Variants in ITFG1 observed in about 807,000 individuals in gnomAD.
ITFG1 encodes the protein integrin alpha FG-GAP repeat containing 1, also known as T-cell immunomodulatory protein.
ITFG1 carries 34 observed loss-of-function variants against 81.8 expected under a neutral mutation model. That is an observed-to-expected ratio of 0.42 (90% CI 0.32 to 0.55). The LOEUF is 0.55. Ranked by LOEUF, ITFG1 falls within the 20% of genes least tolerant of loss-of-function variation. The pLI is 0.17. For missense variants in ITFG1, 672 were observed against 755.4 expected (o/e 0.89, Z 1.29); for synonymous variants, 285 against 270.6 (o/e 1.05, Z -0.52).
At chr16:47,181,418 C>G (rs1197939804) in intron 14 of ITFG1, among the ~76,000 whole-genome samples, 1 of 146,930 alleles carries the variant, frequency 6.8e-6, no homozygotes, top group Non-Finnish European at 1.5e-5. Flanking sequence ...TCAGCCCCCC[C>G]GCCCGGCCAG....
intron 8 of ITFG1, among the ~76,000 whole-genome samples, chr16:47,323,497 T>G (rs1967480792): frequency 6.6e-6 from 1 of 152,178 alleles, no homozygotes; most frequent in South Asian, 2.1e-4. Context: ...ATGTGGCTGC[T>G]TGACTTTGGA....
chr16:47,379,202 C>A (rs1968364232), intron 6 of ITFG1, among the ~76,000 whole-genome samples: 1 of 152,166 alleles, frequency 6.6e-6, no homozygotes, highest in Middle Eastern at 3.2e-3. Flanking sequence ...ATTCAGAGCT[C>A]CCCAGGGGTC....
At chr16:47,266,385 T>G (rs1055902223) in intron 10 of ITFG1, among the ~76,000 whole-genome samples, 1 of 152,138 alleles carries the variant, frequency 6.6e-6, no homozygotes, top group Admixed American at 6.5e-5. Context: ...GCCCGGCTAA[T>G]TTTTGTACTT....
At chr16:47,363,029 C>G (rs1216663531) in intron 8 of ITFG1, among the ~76,000 whole-genome samples, 24 of 152,010 alleles carry the variant, frequency 1.6e-4, no homozygotes, top group Non-Finnish European at 1.5e-5. Flanking sequence ...CCTGAGTAGC[C>G]TGGACCACAG....
At chr16:47,427,560 A>C (rs1471865260) in intron 6 of ITFG1, among the ~76,000 whole-genome samples, 3 of 152,190 alleles carry the variant, frequency 2.0e-5, no homozygotes, top group Non-Finnish European at 2.9e-5. Flanking sequence ...TGGGAGGCGG[A>C]GGTTGCAGTG....
At chr16:47,436,455 T>C (rs1969168088) in intron 5 of ITFG1, among the ~76,000 whole-genome samples, 1 of 152,122 alleles carries the variant, frequency 6.6e-6, no homozygotes, top group African/African-American at 2.4e-5. Context: ...AAGCCAAAGG[T>C]AAAATTTTAT....
At chr16:47,246,422 T>C (rs1316019649) in intron 12 of ITFG1, among the ~76,000 whole-genome samples, 1 of 152,226 alleles carries the variant, frequency 6.6e-6, no homozygotes, top group Non-Finnish European at 1.5e-5. Context: ...GAGTATGCAT[T>C]TCCTTGGTTT....
At chr16:47,319,548 C>T (rs567069118) in intron 8 of ITFG1, among the ~76,000 whole-genome samples, 2 of 152,306 alleles carry the variant, frequency 1.3e-5, no homozygotes, top group South Asian at 4.1e-4. Context: ...GTGTTTTACG[C>T]ATATTTTCCA....
intron 14 of ITFG1, among the ~76,000 whole-genome samples, chr16:47,214,921 A>AACACACACACACACAC (rs57114470): frequency 6.9e-6 from 1 of 145,034 alleles, no homozygotes; most frequent in African/African-American, 2.5e-5. Flanking sequence ...CCAGTGTGAA[A>AACACACACACACACAC]ACACACACAC....
chr16:47,377,891 T>C (rs1471559516), intron 6 of ITFG1, among the ~76,000 whole-genome samples: 1 of 152,230 alleles, frequency 6.6e-6, no homozygotes, highest in Non-Finnish European at 1.5e-5. Context: ...GACAACATGC[T>C]ATATGTATAT....
chr16:47,208,365 CT>C (rs1372778424), intron 14 of ITFG1, among the ~76,000 whole-genome samples: 1 of 152,128 alleles, frequency 6.6e-6, no homozygotes, highest in Non-Finnish European at 1.5e-5. Context: ...TGTATAAGAA[CT>C]TTAAGGTGTT....
rs571201883 is a variant in ITFG1, at chr16:47,343,050, T to C, written c.802+22738A>G. ...ATGAATAATGAAAACAATTCTGAAG[T>C]AGAAGAATACAGTTGGAAGACTCAC... On this transcript the variant is annotated intron_variant, in intron 8 of 17. Transcript: ENST00000320640. 8.5e-4 allele frequency among the ~76,000 whole-genome samples: 129 copies of C among 152,214 alleles called. 1 individual carries two copies. The highest frequency in any genetic ancestry group is 5.2e-3 in the East Asian group (27 of 5,188).
intron 8 of ITFG1, among the ~76,000 whole-genome samples, chr16:47,352,978 A>G (rs901679136): frequency 6.7e-6 from 1 of 150,224 alleles, no homozygotes; most frequent in African/African-American, 2.4e-5. Flanking sequence ...CAAACACCAC[A>G]TGTTCTCACT....
chr16:47,409,331 A>G (rs927191610), intron 6 of ITFG1, among the ~76,000 whole-genome samples: 6 of 137,842 alleles, frequency 4.4e-5, no homozygotes, highest in African/African-American at 1.6e-4. Flanking sequence ...CAACTGGATC[A>G]CAGATTTAAA....
chr16:47,350,292 A>C (rs2151580985), intron 8 of ITFG1, among the ~76,000 whole-genome samples: 1 of 152,322 alleles, frequency 6.6e-6, no homozygotes, highest in East Asian at 1.9e-4. Flanking sequence ...TTTTGAAAAG[A>C]TCAACAAAAT....
Position 47,452,761 on chromosome 16 carries a change from T to C in ITFG1, c.457A>G (p.Thr153Ala), listed in dbSNP as rs749841694. 1.6e-5 allele frequency: 26 copies of C among 1,585,758 alleles called. No homozygotes were observed. The South Asian group carries it at 2.4e-4, about 15-fold the overall frequency. Residue 153 changes from threonine (T) to alanine (A), a missense_variant, in exon 4 of 18, where the codon ACT becomes GCT. By Grantham distance (58) the Thr-to-Ala change is moderately conservative (BLOSUM62 0). This residue lies in a region of ITFG1 where 560 missense variants were observed against 625.7 expected (regional missense o/e 0.90). Coordinates refer to ENST00000320640, the MANE Select transcript of ITFG1 (RefSeq NM_030790.5). ...ATAATTAGTGGCTCATCTTGAAAAGTCCTATTGAGTATGGTCATATTGTTA... is the reference window on the plus strand; with the variant it reads ...ATAATTAGTGGCTCATCTTGAAAAGCCCTATTGAGTATGGTCATATTGTTA... ...DPNNMTILNR[T>A]FQDEPLIMDF... is the part of the protein sequence containing the mutation.
At chr16:47,231,425 G>T (rs557554648) in intron 13 of ITFG1, among the ~76,000 whole-genome samples, 1 of 152,058 alleles carries the variant, frequency 6.6e-6, no homozygotes, top group Non-Finnish European at 1.5e-5. Context: ...CAGAAAACAG[G>T]AATATAAATA....
intron 6 of ITFG1, among the ~76,000 whole-genome samples, chr16:47,393,818 T>C (rs1457809007): frequency 6.6e-6 from 1 of 152,176 alleles, no homozygotes; most frequent in Non-Finnish European, 1.5e-5. Context: ...ATAGACTTCA[T>C]CAAACATTTG....
rs368982165 is a variant in ITFG1 at position 47,415,325 on chromosome 16, GGAAGA to G, written c.655+13474_655+13478del. Among the ~76,000 whole-genome samples the G allele has an allele frequency of 5.1e-4, 78 of 152,304 alleles. 2 individuals carry two copies. The highest frequency in any genetic ancestry group is 1.7e-3 in the African/African-American group (72 of 41,548). On this transcript the variant is annotated intron_variant, in intron 6 of 17. Transcript: ENST00000320640. ...ACAGATGGCCACTTCTGCTATGCATGGAAGAGTGGGGTTACTAAAAGACAGAATTT... is the reference window on the plus strand; with the variant it reads ...ACAGATGGCCACTTCTGCTATGCATGGTGGGGTTACTAAAAGACAGAATTT...
Sources: allele counts gnomAD v4.1 joint callset (sites outside exome capture counted in the v4.1 genomes callset), GRCh38; gene constraint gnomAD v4.1.1; regional missense constraint gnomAD v4.1.1; transcripts MANE v1.5; gene names NCBI Gene and HGNC (gene_info 2026-07-23, HGNC 2026-07-21).